Variants in CFAP20DC observed in about 807,000 individuals in gnomAD.
CFAP20DC encodes the protein protein CFAP20DC.
A neutral mutation model predicts 101.7 loss-of-function variants in CFAP20DC; 84 were observed. That is an observed-to-expected ratio of 0.83 (90% CI 0.69 to 0.99). CFAP20DC has a LOEUF of 0.99. CFAP20DC is among the 50% of genes least tolerant of loss of function. The probability of loss-of-function intolerance (pLI) is 0.00; values close to 1 mark genes in which losing one functional copy is unlikely to be tolerated. For missense variants in CFAP20DC, 1,007 were observed against 970.3 expected, an observed-to-expected ratio of 1.04 and a Z score of -0.50; for synonymous variants, 359 against 351.2, an observed-to-expected ratio of 1.02 and a Z score of -0.25.
chr3:59,036,914 G>T (rs530476105), intron 4 of CFAP20DC, among the ~76,000 whole-genome samples: 1 of 152,220 alleles, frequency 6.6e-6, no homozygotes, highest in African/African-American at 2.4e-5. Context: ...AAACAGTATG[G>T]TACTGGTACC....
downstream of CFAP20DC, among the ~76,000 whole-genome samples, chr3:58,739,609 G>T (rs1309014795): frequency 6.6e-6 from 1 of 152,236 alleles, no homozygotes; most frequent in East Asian, 1.9e-4. Flanking sequence ...AACCCTGACT[G>T]CATATTGGCA....
chr3:58,831,692 C>T lies in CFAP20DC; in HGVS notation c.2169G>A (p.Leu723=), dbSNP rs781234304. 6.2e-7 allele frequency: 1 copy of T among 1,613,630 alleles called. No individual in the cohort carries two copies. Among genetic ancestry groups the T allele is most frequent in the Non-Finnish European group, 8.5e-7 (1 of 1,179,802 alleles). ...TGCAAAGCCAGGGACTCACGGGTGG[C>T]AGGCAGGAGTTCCAGGTGGTTGTGT... ...SDDTTTWNSC[L]PPPVNQGRHY... is the part of the protein sequence containing the mutation. Residue 723 remains leucine, a synonymous_variant, in exon 14 of 17, where the codon CTG becomes CTA. Transcript: ENST00000482387.
intron 12 of CFAP20DC, chr3:58,862,995 A>C: frequency 1.0e-6 from 1 of 979,898 alleles, no homozygotes. Context: ...CCATATTCTA[A>C]ATAATTGCAA....
intron 4 of CFAP20DC, among the ~76,000 whole-genome samples, chr3:59,032,840 G>A (rs928616203): frequency 1.3e-5 from 2 of 152,248 alleles, no homozygotes; most frequent in Non-Finnish European, 2.9e-5. Context: ...CACAGCACTC[G>A]AGCTCTGCTA....
At position 58,863,897 on chromosome 3, in the gene CFAP20DC, C is replaced by G; in HGVS notation, c.1259-5G>C. The G allele has an allele frequency of 1.3e-6, 2 of 1,598,574 alleles. No homozygotes were observed. Among genetic ancestry groups the G allele is most frequent in the Non-Finnish European group, 1.7e-6 (2 of 1,172,426 alleles). The stretch of plus-strand genomic sequence containing the variant: ...TTTCAGGAAAAATCCACTCATCTGA[C>G]AGTTGGAAAAGATGACAAAAATTAG... On this transcript the variant is annotated splice_region_variant and splice_polypyrimidine_tract_variant and intron_variant, in intron 11 of 16. Coordinates refer to ENST00000482387, the MANE Select transcript of CFAP20DC (RefSeq NM_001394063.1). This position sits in a 1 kb window ranked among gnomAD's most constrained non-coding sequence, Gnocchi z 5.9.
chr3:58,793,574 C>T (rs1575655744), intron 15 of CFAP20DC, among the ~76,000 whole-genome samples: 1 of 152,274 alleles, frequency 6.6e-6, no homozygotes, highest in Non-Finnish European at 1.5e-5. Context: ...GTGCATCCTT[C>T]ACCAAGTTAA....
intron 14 of CFAP20DC, among the ~76,000 whole-genome samples, chr3:58,830,203 T>A (rs1268203598): frequency 6.6e-6 from 1 of 152,172 alleles, no homozygotes; most frequent in Non-Finnish European, 1.5e-5. Flanking sequence ...TAAAGAGCAC[T>A]AATCCCCCCA....
chr3:58,720,470 G>C (rs890197564), intron 3 of CFAP20DC, among the ~76,000 whole-genome samples: 3 of 152,118 alleles, frequency 2.0e-5, no homozygotes, highest in Admixed American at 6.6e-5. Context: ...GGGCTCTAAG[G>C]GTCAGTAGAT....
chr3:59,008,904 A>G (rs2093510819), intron 4 of CFAP20DC, among the ~76,000 whole-genome samples: 1 of 152,160 alleles, frequency 6.6e-6, no homozygotes, highest in African/African-American at 2.4e-5. Flanking sequence ...GTAAACAAAT[A>G]AAGTGTACAC....
At chr3:58,989,400 C>T (rs1427743668) in intron 4 of CFAP20DC, among the ~76,000 whole-genome samples, 3 of 152,068 alleles carry the variant, frequency 2.0e-5, no homozygotes, top group Admixed American at 6.6e-5. Context: ...TTAAATTCTT[C>T]CTAGAGTTTC....
At chr3:58,818,644 G>A (rs1402245235) in intron 14 of CFAP20DC, among the ~76,000 whole-genome samples, 1 of 141,374 alleles carries the variant, frequency 7.1e-6, no homozygotes, top group African/African-American at 2.7e-5. Context: ...CATAAAGCAA[G>A]TCCTGAGTGA....
intron 4 of CFAP20DC, among the ~76,000 whole-genome samples, chr3:58,957,151 C>T (rs1056892859): frequency 1.3e-5 from 2 of 152,116 alleles, no homozygotes; most frequent in African/African-American, 2.4e-5. Flanking sequence ...TCAAACAACT[C>T]TATAGGAAAA....
At chr3:58,982,412 G>A (rs879719765) in intron 4 of CFAP20DC, among the ~76,000 whole-genome samples, 5 of 152,122 alleles carry the variant, frequency 3.3e-5, no homozygotes, top group South Asian at 2.1e-4. Context: ...ACATGCACAC[G>A]TATGTTTATT....
In CFAP20DC at chr3:59,002,785, C is replaced by A. The variant is rs1038190110; in HGVS notation, c.278+36772G>T. On this transcript the variant is annotated intron_variant, in intron 4 of 16. Transcript: ENST00000482387. This position sits in a 1 kb window ranked among gnomAD's most constrained non-coding sequence, Gnocchi z 4.5. The stretch of plus-strand genomic sequence containing the variant: ...AATATAAAAAAGAGAGCATTTGTGA[C>A]CTTCTTTTAACAAGAACTAGTATTT... Among the ~76,000 whole-genome samples, 9 of 152,152 alleles carry A rather than the reference C, an allele frequency of 5.9e-5. No individual in the cohort carries two copies. The highest frequency in any genetic ancestry group is 2.6e-4 in the Admixed American group (4 of 15,268).
intron 5 of CFAP20DC, among the ~76,000 whole-genome samples, chr3:58,918,545 T>A (rs1203439601): frequency 6.6e-6 from 1 of 152,224 alleles, no homozygotes; most frequent in African/African-American, 2.4e-5. Context: ...TAGGGCTACA[T>A]TCTGAGACTT....
At chr3:58,770,753 T>C (rs556525565) in intron 15 of CFAP20DC, among the ~76,000 whole-genome samples, 3 of 152,278 alleles carry the variant, frequency 2.0e-5, no homozygotes, top group African/African-American at 2.4e-5. Context: ...GATTTTAAGA[T>C]AGAAGAATCT....
At chr3:58,725,436 T>A (rs1276014285) in intron 3 of CFAP20DC, among the ~76,000 whole-genome samples, 3 of 152,202 alleles carry the variant, frequency 2.0e-5, no homozygotes, top group African/African-American at 7.2e-5. Flanking sequence ...ATGGATCATG[T>A]CCCACCTCCT....
Position 58,846,594 on chromosome 3 carries a change from G to T in CFAP20DC, c.1971+2438C>A, listed in dbSNP as rs1239817228. On this transcript the variant is annotated intron_variant, in intron 13 of 16. Transcript: ENST00000482387. ...CGTGAAAATGGCCATACTGCCCAAG[G>T]TAATTTACAGATTCAATGCCATCCC... Among the ~76,000 whole-genome samples, 8 of 150,508 alleles carry T rather than the reference G, an allele frequency of 5.3e-5. No individual in the cohort carries two copies. The South Asian group carries it at 1.1e-3, about 20-fold the overall frequency.
At chr3:58,764,378 G>A (rs2070049715) in intron 15 of CFAP20DC, among the ~76,000 whole-genome samples, 1 of 152,158 alleles carries the variant, frequency 6.6e-6, no homozygotes, top group South Asian at 2.1e-4. Context: ...TGCTAAGACT[G>A]TTGGAAAAGC....
Sources: gnomAD v4.1 joint callset for allele counts (sites outside exome capture counted in the v4.1 genomes callset) on GRCh38, gnomAD v4.1.1 for gene constraint, Gnocchi (gnomAD v3.1) non-coding constraint, MANE v1.5 for transcripts, NCBI Gene and HGNC (gene_info 2026-07-23, HGNC 2026-07-21) for gene names.